Variants in SLC5A4 observed in about 807,000 individuals in gnomAD.
The protein encoded by SLC5A4 is solute carrier family 5 member 4, also known as probable glucose sensor protein SLC5A4.
A neutral mutation model predicts 70.3 loss-of-function variants in SLC5A4; 55 were observed. That is an observed-to-expected ratio of 0.78 (90% CI 0.63 to 0.98). The LOEUF (loss-of-function observed/expected upper bound fraction) is 0.98, where lower values mean the gene tolerates loss of function less well. Among genes scored for constraint, SLC5A4 ranks in the 50% least tolerant of loss-of-function variants. SLC5A4 has a pLI of 0.00. For synonymous variants in SLC5A4, 268 were observed against 305.7 expected (o/e 0.88, Z 1.29); for missense variants, 735 against 839.2 (o/e 0.88, Z 1.53).
the SLC5A4 span, among the ~76,000 whole-genome samples, chr22:32,304,644 G>A: frequency 1.3e-5 from 2 of 152,172 alleles, no homozygotes; most frequent in East Asian, 1.9e-4. Context: ...TTTAGCAGCT[G>A]TGTCTTTTTG....
chr22:32,307,640 A>G, the SLC5A4 span, among the ~76,000 whole-genome samples: 5 of 152,164 alleles, frequency 3.3e-5, no homozygotes, highest in Admixed American at 1.3e-4. Context: ...CACAACCCCC[A>G]AAGTTGTTTG....
the SLC5A4 span, chr22:32,272,939 T>C: frequency 3.7e-6 from 2 of 536,148 alleles, no homozygotes; most frequent in Admixed American, 2.2e-5. Context: ...ATGCTGCGTG[T>C]GGACCTCCGC....
chr22:32,318,343 G>A, the SLC5A4 span, among the ~76,000 whole-genome samples: 9 of 151,862 alleles, frequency 5.9e-5, no homozygotes, highest in Non-Finnish European at 7.4e-5. Flanking sequence ...GATGGCCAAC[G>A]TGTCTACTCG....
At chr22:32,324,615 T>C in the SLC5A4 span, among the ~76,000 whole-genome samples, 1 of 152,166 alleles carries the variant, frequency 6.6e-6, no homozygotes, top group Non-Finnish European at 1.5e-5. Context: ...CACAGGCCTT[T>C]GTAACACCCT....
At chr22:32,354,204 A>T in the SLC5A4 span, among the ~76,000 whole-genome samples, 1 of 43,160 alleles carries the variant, frequency 2.3e-5, no homozygotes, top group Non-Finnish European at 4.5e-5. Flanking sequence ...CACCCCCTCT[A>T]CACGGGCAGT....
intron 8 of SLC5A4, among the ~76,000 whole-genome samples, chr22:32,233,806 A>G (rs1335895083): frequency 1.3e-5 from 2 of 152,112 alleles, no homozygotes; most frequent in Non-Finnish European, 1.5e-5. Flanking sequence ...TATTTAAAAA[A>G]TAATGTTTTT....
the SLC5A4 span, among the ~76,000 whole-genome samples, chr22:32,320,161 C>T: frequency 6.6e-6 from 1 of 152,152 alleles, no homozygotes; most frequent in East Asian, 1.9e-4. Context: ...GATTTCAGAG[C>T]GCAGACAAAA....
At chr22:32,322,393 G>A in the SLC5A4 span, among the ~76,000 whole-genome samples, 7,453 of 152,106 alleles carry the variant, frequency 0.049, 354 homozygotes, top group Admixed American at 0.15. Context: ...TTCGAGACCA[G>A]CTCAAACATG....
At chr22:32,335,235 C>T in the SLC5A4 span, among the ~76,000 whole-genome samples, 1 of 152,162 alleles carries the variant, frequency 6.6e-6, no homozygotes, top group Admixed American at 6.5e-5. Context: ...GCCGCTTCCG[C>T]CTCCCACGTC....
the SLC5A4 span, among the ~76,000 whole-genome samples, chr22:32,279,181 C>G: frequency 6.6e-6 from 1 of 152,220 alleles, no homozygotes; most frequent in Non-Finnish European, 1.5e-5. Context: ...GAGGCTGAGG[C>G]AGGAGAATGG....
chr22:32,269,394 A>G, the SLC5A4 span: 1 of 449,838 alleles, frequency 2.2e-6, no homozygotes, highest in Non-Finnish European at 4.3e-6. The surrounding 1 kb of genome is among the most constrained non-coding windows in gnomAD (Gnocchi z 4.1). Flanking sequence ...TACCTCATCG[A>G]TGTGCAGGCC....
the SLC5A4 span, among the ~76,000 whole-genome samples, chr22:32,353,389 G>A: frequency 6.6e-6 from 1 of 152,062 alleles, no homozygotes; most frequent in African/African-American, 2.4e-5. Context: ...GGCAGTTTCC[G>A]CAACACATAG....
At chr22:32,264,118 C>T in the SLC5A4 span, among the ~76,000 whole-genome samples, 1 of 151,678 alleles carries the variant, frequency 6.6e-6, no homozygotes, top group Non-Finnish European at 1.5e-5. Context: ...AGCAAACCAC[C>T]ATGGCACGCG....
the SLC5A4 span, among the ~76,000 whole-genome samples, chr22:32,275,730 C>G: frequency 2.2e-4 from 33 of 152,288 alleles, no homozygotes; most frequent in African/African-American, 7.5e-4. Flanking sequence ...TGGGTATATA[C>G]CCAGTAATGG....
At chr22:32,269,472 T>G in the SLC5A4 span, 1 of 534,712 alleles carries the variant, frequency 1.9e-6, no homozygotes, top group Non-Finnish European at 3.6e-6. This position sits in a 1 kb window ranked among gnomAD's most constrained non-coding sequence, Gnocchi z 4.1. Context: ...CCCATCCTGT[T>G]CGAGCCCAAC....
At chr22:32,270,354 GA>G in the SLC5A4 span, 1 of 1,285,584 alleles carries the variant, frequency 7.8e-7, no homozygotes, top group Non-Finnish European at 1.1e-6. Flanking sequence ...CGGTGCTGCA[GA>G]AGAGCATCCA....
At position 32,247,080 on chromosome 22, in the gene SLC5A4, C is replaced by A. The variant is rs117418363; in HGVS notation, c.477+331G>T. 2.9e-3 allele frequency among the ~76,000 whole-genome samples: 447 copies of A among 152,264 alleles called. 2 individuals are homozygous for A. Among genetic ancestry groups the A allele is most frequent in the South Asian group, 0.013 (63 of 4,814 alleles). On this transcript the variant is annotated intron_variant, in intron 5 of 14. Coordinates refer to ENST00000266086, the MANE Select transcript of SLC5A4 (RefSeq NM_014227.3). ...CAATGGAAAAGGCAGGCGACCAAGT[C>A]CTTCTCTTTACTACTAAAGAGCTGT...
At chr22:32,287,889 T>C in the SLC5A4 span, among the ~76,000 whole-genome samples, 1 of 151,742 alleles carries the variant, frequency 6.6e-6, no homozygotes, top group Admixed American at 6.6e-5. Flanking sequence ...TCATTAAATA[T>C]TGGGTCTGTA....
At chr22:32,306,597 A>AC in the SLC5A4 span, among the ~76,000 whole-genome samples, 1 of 152,134 alleles carries the variant, frequency 6.6e-6, no homozygotes, top group Non-Finnish European at 1.5e-5. Context: ...TCTCAGAGAG[A>AC]CCCCATGCCT....
Sources: allele counts gnomAD v4.1 joint callset (sites outside exome capture counted in the v4.1 genomes callset), GRCh38; gene constraint gnomAD v4.1.1; non-coding constraint Gnocchi (gnomAD v3.1); transcripts MANE v1.5; gene names NCBI Gene and HGNC (gene_info 2026-07-23, HGNC 2026-07-21).